BORCS5: variants seen among roughly 807,000 people sequenced by gnomAD.
BORCS5 encodes the protein BLOC-1 related complex subunit 5, also known as BLOC-1-related complex subunit 5.
A neutral mutation model predicts 22.1 loss-of-function variants in BORCS5; 17 were observed. The ratio of observed to expected loss-of-function variants is 0.77; its 90% confidence interval spans 0.53 to 1.15. The LOEUF (loss-of-function observed/expected upper bound fraction) is 1.15. Ranked by LOEUF, BORCS5 falls within the 50% of genes most tolerant of loss-of-function variation. The pLI, the probability that BORCS5 is intolerant of heterozygous loss-of-function variation, is 0.00. For synonymous variants in BORCS5, 117 were observed against 99.8 expected, an observed-to-expected ratio of 1.17 and a Z score of -1.03; for missense variants, 247 against 253.2, an observed-to-expected ratio of 0.98 and a Z score of 0.17.
chr12:12,443,079 G>A (rs1353262790), intron 3 of BORCS5, among the ~76,000 whole-genome samples: 1 of 152,204 alleles, frequency 6.6e-6, no homozygotes, highest in East Asian at 1.9e-4. Flanking sequence ...TAAAAGCCTG[G>A]TTAGCGTGAG....
At chr12:12,460,833 T>A (rs564549422) in intron 3 of BORCS5, among the ~76,000 whole-genome samples, 47 of 152,382 alleles carry the variant, frequency 3.1e-4, no homozygotes, top group African/African-American at 1.1e-3. Context: ...ACATAAGCAT[T>A]GCTTGGTCAT....
Position 12,465,456 on chromosome 12 carries a change from G to A in BORCS5, c.361-90G>A, listed in dbSNP as rs571357912. 1.5e-5 allele frequency: 17 copies of A among 1,128,520 alleles called. 1 individual carries two copies. Among genetic ancestry groups the A allele is most frequent in the South Asian group, 1.1e-4 (8 of 70,590 alleles). The allele number at this position is 1,128,520 out of a possible 1,614,324, so 69.9% of individuals were successfully genotyped here. A position where few individuals can be genotyped will look rare whatever the true frequency, so the allele number is the denominator to read the frequency against. On this transcript the variant is annotated intron_variant, in intron 3 of 3. Coordinates refer to ENST00000314565, the MANE Select transcript of BORCS5 (RefSeq NM_058169.6). Reference sequence around the variant, plus strand: ...ACTTGTCAGCTTCCACTGGATCTGCGGGACTGTGTCCCTCACAGGCTGGAC... The same window carrying A: ...ACTTGTCAGCTTCCACTGGATCTGCAGGACTGTGTCCCTCACAGGCTGGAC...
At chr12:12,362,636 CTTTTTTTTTTTTT>C (rs71436712) in intron 2 of BORCS5, among the ~76,000 whole-genome samples, 6 of 57,554 alleles carry the variant, frequency 1.0e-4, no homozygotes, top group Admixed American at 3.0e-4. Flanking sequence ...TGTTACTCAT[CTTTTTTTTTTTTT>C]TTTTTTTTTT....
At chr12:12,372,989 T>C (rs542087587) in intron 2 of BORCS5, among the ~76,000 whole-genome samples, 38 of 152,290 alleles carry the variant, frequency 2.5e-4, no homozygotes, top group African/African-American at 8.7e-4. Context: ...TCCATTCTGC[T>C]ATGGACTGAA....
chr12:12,365,682 A>C (rs899526470), intron 2 of BORCS5, among the ~76,000 whole-genome samples: 1 of 152,164 alleles, frequency 6.6e-6, no homozygotes, highest in Non-Finnish European at 1.5e-5. Flanking sequence ...TGATTAGGAA[A>C]GATAGGCAAA....
chr12:12,442,129 C>T (rs1942695570), intron 3 of BORCS5, among the ~76,000 whole-genome samples: 1 of 152,204 alleles, frequency 6.6e-6, no homozygotes, highest in South Asian at 2.1e-4. Context: ...GGCAAATACG[C>T]AGCCCCAGGA....
chr12:12,404,596 A>G (rs950974109), intron 2 of BORCS5, among the ~76,000 whole-genome samples: 2 of 152,224 alleles, frequency 1.3e-5, no homozygotes, highest in Non-Finnish European at 1.5e-5. Flanking sequence ...GACCCATTCA[A>G]ACCATAGCAA....
intron 3 of BORCS5, among the ~76,000 whole-genome samples, chr12:12,462,381 T>C (rs1299768592): frequency 1.3e-5 from 2 of 152,354 alleles, no homozygotes; most frequent in African/African-American, 4.8e-5. Flanking sequence ...ACTGGAGATA[T>C]AGCAGGGTTT....
At chr12:12,455,211 AAG>A (rs1942977316) in intron 3 of BORCS5, among the ~76,000 whole-genome samples, 1 of 152,216 alleles carries the variant, frequency 6.6e-6, no homozygotes, top group Non-Finnish European at 1.5e-5. Flanking sequence ...CACCCAAAGA[AAG>A]AACAAAGCTG....
chr12:12,454,546 G>C (rs1018987095), intron 3 of BORCS5, among the ~76,000 whole-genome samples: 1 of 152,210 alleles, frequency 6.6e-6, no homozygotes, highest in Non-Finnish European at 1.5e-5. Flanking sequence ...GATTTATATA[G>C]TTAGGCTGAC....
chr12:12,424,205 A>G lies in BORCS5; in HGVS notation c.203-11423A>G, dbSNP rs953614444. ...TTATCCACTTGATGGTGTCTCATCAATCCCTTAGATCAGTTCACTTTTCCT... is the reference window on the plus strand; with the variant it reads ...TTATCCACTTGATGGTGTCTCATCAGTCCCTTAGATCAGTTCACTTTTCCT... On this transcript the variant is annotated intron_variant, in intron 2 of 3. Coordinates refer to ENST00000314565, the MANE Select transcript of BORCS5 (RefSeq NM_058169.6). 3.3e-5 allele frequency among the ~76,000 whole-genome samples: 5 copies of G among 152,142 alleles called. No homozygotes were observed. The East Asian group carries it at 5.8e-4, about 18-fold the overall frequency.
At position 12,403,064 on chromosome 12, in the gene BORCS5, CT is replaced by C. The variant is rs527519657; in HGVS notation, c.203-32553del. Among the ~76,000 whole-genome samples, 1,410 of 144,352 alleles carry C rather than the reference CT, an allele frequency of 9.8e-3. 8 individuals are homozygous for C. Among genetic ancestry groups the C allele is most frequent in the African/African-American group, 0.012 (474 of 39,686 alleles). The allele number at this position is 144,352 out of a possible 152,430, so 94.7% of individuals were successfully genotyped here. A position where few individuals can be genotyped will look rare whatever the true frequency, so the allele number is the denominator to read the frequency against. ...TTTCGTTAATAATAACCACATTTCCCTTTTTTTTTTTGCACAAAAGTGTTAC... is the reference window on the plus strand; with the variant it reads ...TTTCGTTAATAATAACCACATTTCCCTTTTTTTTTTGCACAAAAGTGTTAC... On this transcript the variant is annotated intron_variant, in intron 2 of 3. Coordinates refer to ENST00000314565, the MANE Select transcript of BORCS5 (RefSeq NM_058169.6).
rs368542313 is a variant in BORCS5, at chr12:12,441,244, T to C, written c.360+5459T>C. 2.2e-4 allele frequency among the ~76,000 whole-genome samples: 33 copies of C among 152,176 alleles called. 1 individual carries two copies. The highest frequency in any genetic ancestry group is 4.0e-4 in the Non-Finnish European group (27 of 68,024). On this transcript the variant is annotated intron_variant, in intron 3 of 3. Coordinates refer to ENST00000314565, the MANE Select transcript of BORCS5 (RefSeq NM_058169.6). ...GTACAGTAATGAGTGCCATTAGGCA[T>C]TGAGGGCTCAGCTGAGGCAGGGCAA...
At chr12:12,359,364 C>CTTT (rs35732827) in intron 1 of BORCS5, among the ~76,000 whole-genome samples, 1 of 115,936 alleles carries the variant, frequency 8.6e-6, no homozygotes, top group Admixed American at 9.3e-5. Flanking sequence ...AGACTTGACT[C>CTTT]TTTTTTTTTT....
intron 2 of BORCS5, among the ~76,000 whole-genome samples, chr12:12,409,985 GATGAGC>G (rs990495088): frequency 5.3e-5 from 8 of 152,312 alleles, no homozygotes; most frequent in East Asian, 3.9e-4. Context: ...GGCCAGTGAT[GATGAGC>G]ATTTTTTCAT....
At chr12:12,427,176 T>TC (rs1194554477) in intron 2 of BORCS5, among the ~76,000 whole-genome samples, 14 of 26,028 alleles carry the variant, frequency 5.4e-4, no homozygotes, top group African/African-American at 3.0e-3. Context: ...TCTTTTCTTT[T>TC]TTTTTTTTTT....
intron 2 of BORCS5, among the ~76,000 whole-genome samples, chr12:12,387,119 C>G (rs952026814): frequency 1.3e-5 from 2 of 151,480 alleles, no homozygotes; most frequent in African/African-American, 4.9e-5. Flanking sequence ...CCTCTTGCCT[C>G]AGCCCCCTGA....
At position 12,469,745 on chromosome 12, in the gene BORCS5, G is replaced by A. The variant is rs948117877; in HGVS notation, c.*3969G>A. On this transcript the variant is annotated 3_prime_UTR_variant, in exon 4 of 4. Coordinates refer to ENST00000314565, the MANE Select transcript of BORCS5 (RefSeq NM_058169.6). ...TACTTCAGCCAAACCCAGATATATA[G>A]TGCTCAGCAGAAATTATTCAAAATG... 6.6e-6 allele frequency: 1 copy of A among 152,200 alleles called. No homozygotes were observed. Among genetic ancestry groups the A allele is most frequent in the African/African-American group, 2.4e-5 (1 of 41,446 alleles). The allele number at this position is 152,200 out of a possible 1,614,324, so 9.4% of individuals were successfully genotyped here. A position where few individuals can be genotyped will look rare whatever the true frequency, so the allele number is the denominator to read the frequency against.
chr12:12,407,687 A>T (rs1267659111), intron 2 of BORCS5, among the ~76,000 whole-genome samples: 1 of 150,386 alleles, frequency 6.6e-6, no homozygotes, highest in African/African-American at 2.4e-5. Flanking sequence ...TATTTTCGCC[A>T]TGAATTTTAC....
Sources: allele counts gnomAD v4.1 joint callset (sites outside exome capture counted in the v4.1 genomes callset), GRCh38; gene constraint gnomAD v4.1.1; transcripts MANE v1.5; gene names NCBI Gene and HGNC (gene_info 2026-07-23, HGNC 2026-07-21).